Variants in MAPK3 observed in about 807,000 individuals in gnomAD.
MAPK3 encodes mitogen-activated protein kinase 3.
MAPK3 carries 30 observed loss-of-function variants against 41.8 expected under a neutral mutation model. The ratio of observed to expected loss-of-function variants is 0.72; its 90% CI spans 0.54 to 0.97. MAPK3 has a LOEUF of 0.97. MAPK3 is among the 50% of genes least tolerant of loss of function. The pLI is 0.00. For missense variants in MAPK3, 413 were observed against 509.9 expected (o/e 0.81, Z 1.83); for synonymous variants, 222 against 213.4 (o/e 1.04, Z -0.35).
intron 1 of MAPK3, chr16:30,122,545 G>A (rs1304186346): frequency 3.4e-5 from 6 of 176,620 alleles, no homozygotes; most frequent in African/African-American, 1.2e-4. Context: ...TGGCACTCCT[G>A]GCCGCCTCAT....
In MAPK3 at chr16:30,117,743, A is replaced by G. The variant is rs2072972509; in HGVS notation, c.702T>C (p.Ile234=). ...KSIDIWSVGC[I]LAEMLSNRPI... is the part of the protein sequence containing the mutation. ...GCCGGTTAGAGAGCATCTCAGCCAG[A>G]ATGCAGCCCACAGACCAGATGTCGA... Residue 234 remains isoleucine (I), a synonymous_variant, in exon 5 of 9, where the codon ATT becomes ATC. Transcript: ENST00000263025. 11 of 1,613,970 alleles carry G rather than the reference A, an allele frequency of 6.8e-6. No homozygotes were observed. The highest frequency in any genetic ancestry group is 8.5e-6 in the Non-Finnish European group (10 of 1,179,974).
At chr16:30,121,796 C>T (rs760658650) in intron 2 of MAPK3, 28 bp downstream of exon 2, 3 of 1,605,828 alleles carry the variant, frequency 1.9e-6, no homozygotes, top group Admixed American at 3.3e-5. Flanking sequence ...CCGTGCCTGA[C>T]CAGCCGACTG....
At chr16:30,121,513 G>A (rs1462936464) in intron 2 of MAPK3, among the ~76,000 whole-genome samples, 1 of 152,170 alleles carries the variant, frequency 6.6e-6, no homozygotes, top group Non-Finnish European at 1.5e-5. Context: ...CAGAGGCCAG[G>A]TCATGTCTCA....
chr16:30,123,049 C>T lies in MAPK3; in HGVS notation c.161G>A (p.Gly54Asp), dbSNP rs2151048629. The change falls in exon 1 of 9, where the codon GGC (glycine) becomes GAC (aspartate). Residue 54 changes from glycine to aspartate, a missense_variant. This residue lies in a region of MAPK3 where 145 missense variants were observed against 133.0 expected (regional missense o/e 1.09). Transcript: ENST00000263025. ...QLQYIGEGAY[G>D]MVSSAYDHVR... Reference sequence around the variant, plus strand: ...CGGAACGCCCCCTCACCTGACCATGCCGTACGCGCCCTCGCCGATGTACTG... The same window carrying T: ...CGGAACGCCCCCTCACCTGACCATGTCGTACGCGCCCTCGCCGATGTACTG... 1 of 1,554,012 alleles carries T rather than the reference C, an allele frequency of 6.4e-7. No individual in the cohort carries two copies.
rs142560490 is a variant in MAPK3, at chr16:30,118,415, G to A, written c.477C>T (p.Ser159=). The A allele has an allele frequency of 1.9e-4, 308 of 1,599,700 alleles. 1 individual carries two copies. Among genetic ancestry groups the A allele is most frequent in the East Asian group, 8.8e-4 (39 of 44,328 alleles). Reference sequence around the variant, plus strand: ...TTAGATCTCGGTGGAGCACGTTGGCGGAGTGGATGTACTTGAGGCCCCGCA... The same window carrying A: ...TTAGATCTCGGTGGAGCACGTTGGCAGAGTGGATGTACTTGAGGCCCCGCA... ...QILRGLKYIH[S]ANVLHRDLKP... is the part of the protein sequence containing the mutation. The change falls in exon 3 of 9, where the codon TCC becomes TCT. Residue 159 remains serine, a synonymous_variant. Coordinates refer to ENST00000263025, the MANE Select transcript of MAPK3 (RefSeq NM_002746.3).
rs2072929842 is a variant in MAPK3 at position 30,114,153 on chromosome 16, G to A, written c.*588C>T. The stretch of plus-strand genomic sequence containing the variant: ...TTTATATATTAGACGGGTCAGGGAG[G>A]TGGCAGGGGCGCCGGGCTCTCCACG... On this transcript the variant is annotated 3_prime_UTR_variant, in exon 9 of 9. Transcript: ENST00000263025. 1 of 152,254 alleles carries A rather than the reference G, an allele frequency of 6.6e-6. No homozygotes were observed. Among genetic ancestry groups the A allele is most frequent in the Admixed American group, 6.5e-5 (1 of 15,292 alleles). 9.4% of individuals were successfully genotyped at this position (152,254 alleles called of 1,614,324 possible). A position where few individuals can be genotyped will look rare whatever the true frequency, so the allele number is the denominator to read the frequency against.
intron 1 of MAPK3, 165 bp downstream of exon 1, chr16:30,122,875 G>C (rs868773381): frequency 2.2e-4 from 113 of 512,064 alleles, no homozygotes; most frequent in Middle Eastern, 1.7e-3. Context: ...CCCCCAGAAA[G>C]CACTCAGGGG....
chr16:30,117,053 G>A (rs370538164), intron 6 of MAPK3, 50 bp from the exon 7 acceptor site: 412 of 1,593,846 alleles, frequency 2.6e-4, no homozygotes, highest in Middle Eastern at 1.3e-3. Context: ...GAGGAGCTCC[G>A]AGAAGCATTG....
chr16:30,120,971 A>T (rs1048173603), intron 2 of MAPK3, among the ~76,000 whole-genome samples: 3 of 151,602 alleles, frequency 2.0e-5, no homozygotes, highest in African/African-American at 7.3e-5. Flanking sequence ...GATGTGAGCC[A>T]TTGCACTCCA....
intron 1 of MAPK3, 85 bp downstream of exon 1, chr16:30,122,955 C>T: frequency 5.7e-6 from 7 of 1,222,418 alleles, no homozygotes; most frequent in Non-Finnish European, 6.5e-6. Context: ...GTCTCCACGT[C>T]CCGGAAAGCG....
chr16:30,122,088 G>A, intron 1 of MAPK3, 82 bp from the exon 2 acceptor site: 1 of 1,374,908 alleles, frequency 7.3e-7, no homozygotes, highest in African/African-American at 1.4e-5. Flanking sequence ...GGCCTTGGCA[G>A]GGAGGGGAGA....
At chr16:30,120,141 C>G (rs1278580847) in intron 2 of MAPK3, among the ~76,000 whole-genome samples, 1 of 152,110 alleles carries the variant, frequency 6.6e-6, no homozygotes, top group Non-Finnish European at 1.5e-5. Flanking sequence ...TGCACTCTAG[C>G]CTGGGCAACA....
Position 30,121,980 on chromosome 16 carries a change from G to T in MAPK3, c.197C>A (p.Thr66Asn), listed in dbSNP as rs2073020790. ...VSSAYDHVRK[T>N]RVAIKKISPF... The stretch of plus-strand genomic sequence containing the variant: ...GCTGATCTTCTTGATGGCCACGCGA[G>T]TCTTGCGCACGTGGTCATAGGCCGA... Residue 66 changes from threonine to asparagine, a missense_variant, in exon 2 of 9, where the codon ACT becomes AAT. Physicochemically the swap from Thr to Asn is moderately conservative, Grantham distance 65. Transcript: ENST00000263025. 6.2e-7 allele frequency: 1 copy of T among 1,614,188 alleles called. No individual in the cohort carries two copies. The highest frequency in any genetic ancestry group is 8.5e-7 in the Non-Finnish European group (1 of 1,180,044).
chr16:30,120,042 G>T (rs76150243), intron 2 of MAPK3, among the ~76,000 whole-genome samples: 1 of 152,176 alleles, frequency 6.6e-6, no homozygotes, highest in Non-Finnish European at 1.5e-5. Flanking sequence ...GGTGGCAGGC[G>T]CCTGTAGTCC....
Position 30,118,469 on chromosome 16 carries a change from G to A in MAPK3, c.423C>T (p.Asp141=). 1 of 1,614,054 alleles carries A rather than the reference G, an allele frequency of 6.2e-7. No individual in the cohort carries two copies. Among genetic ancestry groups the A allele is most frequent in the East Asian group, 2.2e-5 (1 of 44,874 alleles). ...TCTGGTAGAGGAAGTAGCAGATATG[G>A]TCATTGCTCAGCTGCTGGCTTTTCA... The part of the protein sequence containing the change: ...KLLKSQQLSN[D]HICYFLYQIL... Residue 141 remains aspartate (D), a synonymous_variant, in exon 3 of 9, where the codon GAC becomes GAT. Transcript: ENST00000263025.
Position 30,117,170 on chromosome 16 carries a change from G to C in MAPK3, c.891C>G (p.Pro297=), listed in dbSNP as rs1448122531. The change falls in exon 6 of 9, where the codon CCC becomes CCG. Residue 297 remains proline (P), a synonymous_variant. Coordinates refer to ENST00000263025, the MANE Select transcript of MAPK3 (RefSeq NM_002746.3). The part of the protein sequence containing the change: ...KTKVAWAKLF[P]KSDSKALDLL... ...CTCTCGAACCTTTGGAGTCTGACTT[G>C]GGGAAAAGCTTGGCCCAAGCCACCT... The C allele has an allele frequency of 2.5e-6, 4 of 1,613,952 alleles. No homozygotes were observed. Among genetic ancestry groups the C allele is most frequent in the Non-Finnish European group, 3.4e-6 (4 of 1,180,028 alleles).
intron 2 of MAPK3, among the ~76,000 whole-genome samples, chr16:30,121,373 G>A (rs1021821459): frequency 2.6e-5 from 4 of 152,158 alleles, no homozygotes; most frequent in Non-Finnish European, 2.9e-5. Context: ...GCCTCCCAAA[G>A]TGCTGGGATT....
intron 2 of MAPK3, among the ~76,000 whole-genome samples, chr16:30,121,534 C>T (rs983819943): frequency 6.6e-6 from 1 of 152,192 alleles, no homozygotes; most frequent in Non-Finnish European, 1.5e-5. Flanking sequence ...GAACTGCCGA[C>T]GTCAGAAGAC....
Position 30,117,762 on chromosome 16 carries a change from A to C in MAPK3, c.683T>G (p.Ile228Ser). 1 of 1,613,944 alleles carries C rather than the reference A, an allele frequency of 6.2e-7. No individual in the cohort carries two copies. The highest frequency in any genetic ancestry group is 8.5e-7 in the Non-Finnish European group (1 of 1,179,858). ...NSKGYTKSIDIWSVGCILAEM... is the reference protein window; with the variant it reads ...NSKGYTKSIDSWSVGCILAEM... ...AGCCAGAATGCAGCCCACAGACCAG[A>C]TGTCGATGGACTTGGTATAGCCCTG... is the stretch of plus-strand genomic sequence containing the variant. Residue 228 changes from isoleucine to serine, a missense_variant, in exon 5 of 9, where the codon ATC (isoleucine) becomes AGC (serine). Ile to Ser is a moderately radical substitution (Grantham distance 142, BLOSUM62 -2). This residue lies in a region of MAPK3 where 140 missense variants were observed against 206.0 expected (regional missense o/e 0.68). Coordinates refer to ENST00000263025, the MANE Select transcript of MAPK3 (RefSeq NM_002746.3).
Sources: gnomAD v4.1 joint callset for allele counts (sites outside exome capture counted in the v4.1 genomes callset) on GRCh38, gnomAD v4.1.1 for gene constraint, gnomAD v4.1.1 regional missense constraint, MANE v1.5 for transcripts, NCBI Gene and HGNC (gene_info 2026-07-23, HGNC 2026-07-21) for gene names.